The following MACF1 variants were observed in gnomAD, a reference collection of about 807,000 sequenced individuals.
MACF1 encodes microtubule-actin cross-linking factor 1.
MACF1 carries 193 observed loss-of-function variants against 854.8 expected under a neutral mutation model. The ratio of observed to expected loss-of-function variants is 0.23; its 90% CI spans 0.20 to 0.25. MACF1 has a LOEUF of 0.25. MACF1 is among the 10% of genes least tolerant of loss of function. The probability of loss-of-function intolerance (pLI) is 1.00; values close to 1 mark genes in which losing one functional copy is unlikely to be tolerated. For missense variants in MACF1, 7,722 were observed against 8,929.1 expected, an observed-to-expected ratio of 0.86 and a Z score of 5.45; for synonymous variants, 3,185 against 3,226.7, an observed-to-expected ratio of 0.99 and a Z score of 0.44.
At chr1:39,263,977 G>T (rs1023215049) in intron 6 of MACF1, among the ~76,000 whole-genome samples, 1 of 151,850 alleles carries the variant, frequency 6.6e-6, no homozygotes, top group African/African-American at 2.4e-5. Context: ...GTTTCACCGT[G>T]TTAGCCAGGA....
Position 39,459,112 on chromosome 1 carries a change from C to CCTCCCATGCCAATCCTTT in MACF1, c.21225_21242dup (p.Pro7076_Ser7081dup), listed in dbSNP as rs766841139. 13 of 1,613,542 alleles carry CCTCCCATGCCAATCCTTT rather than the reference C, an allele frequency of 8.1e-6. No homozygotes were observed. In the African/African-American group the frequency reaches 1.1e-4, roughly 13 times the overall value. ...GAAATCCCTAAGTCAGCCAACCCCT[C>CCTCCCATGCCAATCCTTT]CTCCCATGCCAATCCTTTCACAGTC... On this transcript the variant is annotated inframe_insertion, in exon 91 of 101. Coordinates refer to ENST00000564288, the MANE Select transcript of MACF1 (RefSeq NM_001394062.1).
rs567862837 is a variant in MACF1 at position 39,456,131 on chromosome 1, T to C, written c.21075+1034T>C. On this transcript the variant is annotated intron_variant, in intron 89 of 100. Coordinates refer to ENST00000564288, the MANE Select transcript of MACF1 (RefSeq NM_001394062.1). ...GGCAGATCACTTGAGGTGAAGAGTTTGAGACCAGCCTAGCCAACATGGTGA... is the reference window on the plus strand; with the variant it reads ...GGCAGATCACTTGAGGTGAAGAGTTCGAGACCAGCCTAGCCAACATGGTGA... Among the ~76,000 whole-genome samples the C allele has an allele frequency of 6.6e-5, 10 of 152,250 alleles. No homozygotes were observed. The East Asian group carries it at 1.7e-3, about 26-fold the overall frequency.
intron 68 of MACF1, among the ~76,000 whole-genome samples, chr1:39,434,147 CTG>C (rs1643922723): frequency 6.6e-6 from 1 of 151,950 alleles, no homozygotes; most frequent in Non-Finnish European, 1.5e-5. Flanking sequence ...GTTAATTTTG[CTG>C]TGTTTTTCTT....
chr1:39,339,717 G>T (rs1488106519), intron 38 of MACF1, among the ~76,000 whole-genome samples: 1 of 152,236 alleles, frequency 6.6e-6, no homozygotes, highest in Non-Finnish European at 1.5e-5. Context: ...GAAGTTAGAA[G>T]AGAGAGGAAG....
intron 2 of MACF1, among the ~76,000 whole-genome samples, chr1:39,157,411 G>A (rs1414522973): frequency 6.6e-6 from 1 of 152,196 alleles, no homozygotes; most frequent in African/African-American, 2.4e-5. Flanking sequence ...GTTTTGCAGA[G>A]CAGTGTATTT....
chr1:39,450,721 C>T (rs1285105059), intron 84 of MACF1, among the ~76,000 whole-genome samples: 2 of 149,818 alleles, frequency 1.3e-5, no homozygotes, highest in Non-Finnish European at 3.0e-5. Flanking sequence ...GCGCCATTCT[C>T]CTGCCTCAGC....
At chr1:39,202,533 G>T (rs1644403728), upstream of MACF1, among the ~76,000 whole-genome samples, 1 of 151,630 alleles carries the variant, frequency 6.6e-6, no homozygotes, top group Admixed American at 6.6e-5. Context: ...TGCTCAGGAG[G>T]CTGAGGCAGG....
At chr1:39,226,211 C>T (rs776343933) in intron 1 of MACF1, among the ~76,000 whole-genome samples, 2 of 152,102 alleles carry the variant, frequency 1.3e-5, no homozygotes, top group Non-Finnish European at 2.9e-5. Flanking sequence ...AGTACTTAAA[C>T]GTCTTTCTCC....
At chr1:39,284,650 G>T (rs1387519733) in intron 11 of MACF1, among the ~76,000 whole-genome samples, 1 of 152,172 alleles carries the variant, frequency 6.6e-6, no homozygotes, top group Non-Finnish European at 1.5e-5. Flanking sequence ...AAAATGACAT[G>T]TATTTATTCA....
At chr1:39,480,042 C>G in intron 98 of MACF1, 33 bp downstream of exon 98, 1 of 1,364,996 alleles carries the variant, frequency 7.3e-7, no homozygotes, top group Non-Finnish European at 1.0e-6. Context: ...CCCTTCTTCC[C>G]CAATCCCACC....
intron 2 of MACF1, among the ~76,000 whole-genome samples, chr1:39,174,640 A>T (rs1010451053): frequency 2.0e-5 from 3 of 152,200 alleles, no homozygotes; most frequent in Non-Finnish European, 4.4e-5. Context: ...CAATTTCATC[A>T]TGAAGAACTA....
chr1:39,356,671 A>G (rs1052003706), intron 44 of MACF1, among the ~76,000 whole-genome samples: 8 of 152,176 alleles, frequency 5.3e-5, no homozygotes, highest in African/African-American at 1.9e-4. Context: ...ATGCCTGGCC[A>G]AACTTACAAT....
chr1:39,465,516 T>C (rs1324282021), intron 95 of MACF1, among the ~76,000 whole-genome samples: 1 of 152,244 alleles, frequency 6.6e-6, no homozygotes, highest in Non-Finnish European at 1.5e-5. Context: ...TATTTAAATA[T>C]CTTTTTAATA....
intron 61 of MACF1, among the ~76,000 whole-genome samples, chr1:39,426,853 C>G (rs1177608087): frequency 1.3e-5 from 2 of 151,548 alleles, no homozygotes; most frequent in African/African-American, 4.8e-5. Context: ...GTTTTTTTGC[C>G]TTAAATCTGG....
At chr1:39,161,455 G>A (rs1643796829) in intron 2 of MACF1, among the ~76,000 whole-genome samples, 1 of 152,160 alleles carries the variant, frequency 6.6e-6, no homozygotes, top group African/African-American at 2.4e-5. Flanking sequence ...TGTAATCCCA[G>A]TGCTTTGGGA....
intron 2 of MACF1, among the ~76,000 whole-genome samples, chr1:39,123,709 C>CTTATTTTTTTTTTTTTTTTTTTTTT (rs1376838861): frequency 1.1e-5 from 1 of 94,388 alleles, no homozygotes; most frequent in Non-Finnish European, 2.2e-5. Context: ...CCGGCTAATT[C>CTTATTTTTTTTTTTTTTTTTTTTTT]TTGTTTTGTT....
intron 2 of MACF1, among the ~76,000 whole-genome samples, chr1:39,196,677 C>T (rs764266148): frequency 3.9e-5 from 6 of 152,096 alleles, no homozygotes; most frequent in East Asian, 1.9e-4. Context: ...TTTTTAGTTA[C>T]GGTGTAACGT....
intron 2 of MACF1, chr1:39,102,661 A>G (rs1467404164): frequency 1.5e-6 from 1 of 664,890 alleles, no homozygotes; most frequent in East Asian, 2.7e-5. Flanking sequence ...CACCAAGGAT[A>G]AAGGGCATTA....
At chr1:39,393,152 T>G (rs1165377250) in intron 58 of MACF1, among the ~76,000 whole-genome samples, 1 of 140,526 alleles carries the variant, frequency 7.1e-6, no homozygotes, top group Non-Finnish European at 1.5e-5. Context: ...AGCCAAAGAA[T>G]TCCCCTAGAG....
Sources: gnomAD v4.1 joint callset for allele counts (sites outside exome capture counted in the v4.1 genomes callset) on GRCh38, gnomAD v4.1.1 for gene constraint, MANE v1.5 for transcripts, NCBI Gene and HGNC (gene_info 2026-07-23, HGNC 2026-07-21) for gene names.